The following MTA3 variants were observed in gnomAD, a reference collection of about 807,000 sequenced individuals.
The protein encoded by MTA3 is metastasis-associated protein MTA3.
Under a neutral mutation model 83.5 loss-of-function variants are expected in MTA3, and 34 were observed. That is an observed-to-expected ratio of 0.41 (90% CI 0.31 to 0.54). MTA3 has a LOEUF of 0.54. Among genes scored for constraint, MTA3 ranks in the 20% least tolerant of loss-of-function variants. The pLI is 0.33. For missense variants in MTA3, 761 were observed against 726.4 expected (o/e 1.05, Z -0.55); for synonymous variants, 303 against 252.7 (o/e 1.20, Z -1.89).
At chr2:42,513,474 TA>T (rs2103673708) in intron 2 of MTA3, among the ~76,000 whole-genome samples, 1 of 152,122 alleles carries the variant, frequency 6.6e-6, no homozygotes, top group Non-Finnish European at 1.5e-5. Context: ...GGAAAAGGGA[TA>T]GACTCCAAGT....
At chr2:42,654,749 T>A (rs927926644) in intron 6 of MTA3, among the ~76,000 whole-genome samples, 7 of 152,166 alleles carry the variant, frequency 4.6e-5, no homozygotes, top group African/African-American at 1.7e-4. Flanking sequence ...TGAGTAGTTA[T>A]AACTACAGGC....
intron 9 of MTA3, among the ~76,000 whole-genome samples, chr2:42,693,855 TGGGAATGTGCTG>T (rs1693133029): frequency 1.3e-5 from 2 of 152,132 alleles, no homozygotes; most frequent in South Asian, 4.1e-4. Flanking sequence ...GGAATGTGCT[TGGGAATGTGCTG>T]GGTCACACTG....
chr2:42,589,987 G>T (rs1282528940), intron 3 of MTA3, among the ~76,000 whole-genome samples: 1 of 152,158 alleles, frequency 6.6e-6, no homozygotes, highest in Non-Finnish European at 1.5e-5. Context: ...GTGAGAAGTG[G>T]AGATGAGGAG....
At chr2:42,547,221 CAG>C (rs1676798850) in intron 2 of MTA3, among the ~76,000 whole-genome samples, 1 of 152,222 alleles carries the variant, frequency 6.6e-6, no homozygotes, top group African/African-American at 2.4e-5. Flanking sequence ...ACAGCAGATT[CAG>C]AGACTCCAGC....
In MTA3 at chr2:42,513,824, A is replaced by G. The variant is rs139098271; in HGVS notation, c.-141+18570A>G. 7.6e-3 allele frequency among the ~76,000 whole-genome samples: 1,156 copies of G among 152,340 alleles called. 16 individuals are homozygous for G. Among genetic ancestry groups the G allele is most frequent in the African/African-American group, 0.026 (1,097 of 41,574 alleles). ...CTGAGGGGCAAACGGGCTTACACCT[A>G]GGAAAGCCCTGGAAGGATTTCAGAC... On this transcript the variant is annotated intron_variant, in intron 2 of 17. Coordinates refer to the MTA3 transcript ENST00000405592.
At chr2:42,507,636 AAG>A (rs1674694735) in intron 2 of MTA3, among the ~76,000 whole-genome samples, 1 of 151,790 alleles carries the variant, frequency 6.6e-6, no homozygotes, top group Non-Finnish European at 1.5e-5. Context: ...GAAAAAAAAA[AAG>A]GAAAACTAGG....
At position 42,753,573 on chromosome 2, in the gene MTA3, A is replaced by C. The variant is rs1670040392; in HGVS notation, c.*174A>C. ...AGGAACTGTGGGAGTGCACGTTCCA[A>C]ATCCTGTGTCTCCACGTGTGGATCA... On this transcript the variant is annotated 3_prime_UTR_variant, in exon 17 of 17. Transcript: ENST00000405094. The C allele has an allele frequency of 7.0e-7, 1 of 1,434,828 alleles. No individual in the cohort carries two copies. The highest frequency in any genetic ancestry group is 9.1e-7 in the Non-Finnish European group (1 of 1,093,788). The allele number at this position is 1,434,828 out of a possible 1,614,324, so 88.9% of individuals were successfully genotyped here. A position where few individuals can be genotyped will look rare whatever the true frequency, so the allele number is the denominator to read the frequency against.
At chr2:42,503,422 A>C (rs1254968846) in intron 2 of MTA3, among the ~76,000 whole-genome samples, 2 of 151,684 alleles carry the variant, frequency 1.3e-5, no homozygotes, top group East Asian at 3.9e-4. Flanking sequence ...TCTTGTGCCA[A>C]CCTCCTATCT....
chr2:42,506,209 C>T (rs894922869), intron 2 of MTA3, among the ~76,000 whole-genome samples: 1 of 152,164 alleles, frequency 6.6e-6, no homozygotes, highest in Admixed American at 6.5e-5. Flanking sequence ...CTTTGGGAGG[C>T]TGAGGCAGAA....
intron 12 of MTA3, among the ~76,000 whole-genome samples, chr2:42,707,351 C>T (rs965703382): frequency 6.6e-6 from 1 of 151,852 alleles, no homozygotes; most frequent in Non-Finnish European, 1.5e-5. Flanking sequence ...TCAAGCAATT[C>T]TACTGCCTCA....
intron 11 of MTA3, chr2:42,698,634 G>A (rs1432329498): frequency 6.6e-6 from 1 of 152,106 alleles, no homozygotes; most frequent in East Asian, 1.9e-4. Context: ...AGAGTTCTGT[G>A]TGCTGCTCTA....
chr2:42,708,467 A>G (rs1666301464), intron 13 of MTA3, among the ~76,000 whole-genome samples: 1 of 152,180 alleles, frequency 6.6e-6, no homozygotes, highest in Non-Finnish European at 1.5e-5. Context: ...GAGGTGAACA[A>G]CAGTTTAAAT....
At chr2:42,608,328 G>T (rs377082469) in intron 3 of MTA3, among the ~76,000 whole-genome samples, 15 of 152,204 alleles carry the variant, frequency 9.9e-5, no homozygotes, top group Admixed American at 3.3e-4. Context: ...CTGGTGAAAT[G>T]TTATTAGACC....
At chr2:42,549,475 T>G in intron 2 of MTA3, among the ~76,000 whole-genome samples, 1 of 82,222 alleles carries the variant, frequency 1.2e-5, no homozygotes, top group South Asian at 4.4e-4. Flanking sequence ...ATATTATATA[T>G]TATATATTTA....
At chr2:42,686,732 C>G (rs1417987232) in intron 9 of MTA3, among the ~76,000 whole-genome samples, 1 of 151,998 alleles carries the variant, frequency 6.6e-6, no homozygotes, top group Non-Finnish European at 1.5e-5. Flanking sequence ...TAGACTGAGG[C>G]AGGAGAATCG....
chr2:42,560,412 G>A lies in MTA3; in HGVS notation c.-140-10025G>A, dbSNP rs906334608. On this transcript the variant is annotated intron_variant, in intron 2 of 17. Transcript: ENST00000405592. Reference sequence around the variant, plus strand: ...TAATCTCAGCACTCTGGGAGTGAGCGAGTGGATCACTTGAGGTCAGGAGTT... The same window carrying A: ...TAATCTCAGCACTCTGGGAGTGAGCAAGTGGATCACTTGAGGTCAGGAGTT... Among the ~76,000 whole-genome samples the A allele has an allele frequency of 3.3e-5, 5 of 151,528 alleles. No individual in the cohort carries two copies. In the Admixed American group the frequency reaches 3.3e-4, roughly 10 times the overall value.
chr2:42,496,307 T>G (rs1674129395), intron 2 of MTA3, among the ~76,000 whole-genome samples: 1 of 152,206 alleles, frequency 6.6e-6, no homozygotes, highest in Non-Finnish European at 1.5e-5. Context: ...TTATTTGATT[T>G]TAATATCATC....
At chr2:42,522,346 G>C in intron 2 of MTA3, among the ~76,000 whole-genome samples, 1 of 152,274 alleles carries the variant, frequency 6.6e-6, no homozygotes, top group African/African-American at 2.4e-5. Context: ...GGGAGGGTAG[G>C]GGCAGGTGAA....
chr2:42,728,562 G>A (rs1255288452), intron 16 of MTA3, among the ~76,000 whole-genome samples: 1 of 152,034 alleles, frequency 6.6e-6, no homozygotes, highest in South Asian at 2.1e-4. Context: ...ACAGTGTATA[G>A]GGTTCCCACC....
Sources: gnomAD v4.1 joint callset for allele counts (sites outside exome capture counted in the v4.1 genomes callset) on GRCh38, gnomAD v4.1.1 for gene constraint, MANE v1.5 for transcripts, NCBI Gene and HGNC (gene_info 2026-07-23, HGNC 2026-07-21) for gene names.